SORCS1: variants seen among roughly 807,000 people sequenced by gnomAD.
SORCS1 encodes the protein VPS10 domain-containing receptor SorCS1.
In SORCS1, 60 loss-of-function variants were observed where a neutral mutation model predicts 146.1. The ratio of observed to expected loss-of-function variants is 0.41; its 90% CI spans 0.33 to 0.51. The LOEUF (loss-of-function observed/expected upper bound fraction) is 0.51, where lower values mean the gene tolerates loss of function less well. Among genes scored for constraint, SORCS1 ranks in the 20% least tolerant of loss-of-function variants. The pLI is 0.21. For synonymous variants in SORCS1, 637 were observed against 584.0 expected, an observed-to-expected ratio of 1.09 and a Z score of -1.31; for missense variants, 1,352 against 1,487.6, an observed-to-expected ratio of 0.91 and a Z score of 1.50.
intron 3 of SORCS1, among the ~76,000 whole-genome samples, chr10:106,783,915 C>G (rs1373950038): frequency 1.3e-5 from 2 of 152,060 alleles, no homozygotes; most frequent in Non-Finnish European, 2.9e-5. Context: ...GAAGTTTATG[C>G]TAAAGCAAAT....
intron 1 of SORCS1, among the ~76,000 whole-genome samples, chr10:107,147,879 C>T (rs942943001): frequency 2.6e-5 from 4 of 151,838 alleles, no homozygotes; most frequent in African/African-American, 4.8e-5. Flanking sequence ...AGAGAGTGAC[C>T]CGGCACATAA....
intron 6 of SORCS1, among the ~76,000 whole-genome samples, chr10:106,723,178 A>T (rs1487550347): frequency 6.6e-6 from 1 of 152,184 alleles, no homozygotes; most frequent in African/African-American, 2.4e-5. Flanking sequence ...AAATAAAATA[A>T]AAAAGAATGT....
At chr10:106,985,174 C>T (rs112756927) in intron 1 of SORCS1, among the ~76,000 whole-genome samples, 92 of 151,898 alleles carry the variant, frequency 6.1e-4, no homozygotes, top group African/African-American at 2.1e-3. Context: ...GCAACAAGAG[C>T]GAAACTCCAT....
At chr10:106,966,701 A>G (rs1173249643) in intron 1 of SORCS1, among the ~76,000 whole-genome samples, 1 of 152,176 alleles carries the variant, frequency 6.6e-6, no homozygotes, top group Non-Finnish European at 1.5e-5. Flanking sequence ...TAAATTTGCT[A>G]TACCCTCCTG....
chr10:107,021,897 T>G (rs970448849), intron 1 of SORCS1, among the ~76,000 whole-genome samples: 1 of 152,192 alleles, frequency 6.6e-6, no homozygotes, highest in South Asian at 2.1e-4. Flanking sequence ...ATAAATACTT[T>G]ATATTAAGAT....
At chr10:107,119,705 G>A (rs1439374858) in intron 1 of SORCS1, among the ~76,000 whole-genome samples, 2 of 152,090 alleles carry the variant, frequency 1.3e-5, no homozygotes, top group African/African-American at 2.4e-5. Flanking sequence ...GATTAACCTA[G>A]TTGTCCATGT....
At chr10:106,717,951 T>G (rs1480892364) in intron 6 of SORCS1, among the ~76,000 whole-genome samples, 2 of 152,232 alleles carry the variant, frequency 1.3e-5, no homozygotes, top group African/African-American at 4.8e-5. Context: ...AGCTGTGGAC[T>G]TGTTATTCTT....
chr10:106,834,933 G>A lies in SORCS1; in HGVS notation c.627-5260C>T, dbSNP rs2137062866. ...ATAAGCATTCCATGAAAATAAATCTGCAAGTGATTAAATCAAGGCTTACTT... is the reference window on the plus strand; with the variant it reads ...ATAAGCATTCCATGAAAATAAATCTACAAGTGATTAAATCAAGGCTTACTT... On this transcript the variant is annotated intron_variant, in intron 2 of 25. Coordinates refer to ENST00000263054, the MANE Select transcript of SORCS1 (RefSeq NM_052918.5). 1.3e-5 allele frequency among the ~76,000 whole-genome samples: 2 copies of A among 152,304 alleles called. 1 individual carries two copies. Among genetic ancestry groups the A allele is most frequent in the South Asian group, 4.1e-4 (2 of 4,830 alleles).
chr10:106,896,889 GTTT>G (rs869027396), intron 2 of SORCS1, among the ~76,000 whole-genome samples: 1 of 119,890 alleles, frequency 8.3e-6, no homozygotes. Flanking sequence ...ACCAAATACT[GTTT>G]TTTTTTTTTT....
intron 1 of SORCS1, among the ~76,000 whole-genome samples, chr10:107,155,204 T>C (rs1184400637): frequency 1.3e-5 from 2 of 152,324 alleles, no homozygotes; most frequent in Non-Finnish European, 2.9e-5. Flanking sequence ...ATGGTTTCTA[T>C]TGAGAAGCTG....
chr10:106,818,684 T>C (rs1481870076), intron 3 of SORCS1, among the ~76,000 whole-genome samples: 2 of 152,344 alleles, frequency 1.3e-5, no homozygotes, highest in African/African-American at 4.8e-5. Flanking sequence ...CATAGTAAGA[T>C]AGCAGTGGAA....
chr10:107,157,232 C>A (rs1969356662), intron 1 of SORCS1, among the ~76,000 whole-genome samples: 1 of 151,978 alleles, frequency 6.6e-6, no homozygotes. Flanking sequence ...CAGCTGTGTT[C>A]TAACTCTTGC....
chr10:106,874,948 T>C (rs1270437980), intron 2 of SORCS1, among the ~76,000 whole-genome samples: 1 of 152,184 alleles, frequency 6.6e-6, no homozygotes, highest in Non-Finnish European at 1.5e-5. Context: ...TTTGCTTTGT[T>C]TTTATTTTTT....
chr10:107,024,427 A>C lies in SORCS1; in HGVS notation c.559-67847T>G, dbSNP rs185946940. Among the ~76,000 whole-genome samples, 327 of 152,290 alleles carry C rather than the reference A, an allele frequency of 2.1e-3. 3 individuals are homozygous for C. The highest frequency in any genetic ancestry group is 1.9e-3 in the Non-Finnish European group (129 of 68,032). Reference sequence around the variant, plus strand: ...AATGAGTGAGGACTCATTATTACCAAGATGGCATCAAGACATTCACAAGGA... The same window carrying C: ...AATGAGTGAGGACTCATTATTACCACGATGGCATCAAGACATTCACAAGGA... On this transcript the variant is annotated intron_variant, in intron 1 of 25. Transcript: ENST00000263054.
At chr10:106,718,440 A>G (rs1564893264) in intron 6 of SORCS1, among the ~76,000 whole-genome samples, 1 of 152,202 alleles carries the variant, frequency 6.6e-6, no homozygotes, top group Non-Finnish European at 1.5e-5. Flanking sequence ...TTATTCCTTC[A>G]GATGTTCAGA....
rs772929333 is a variant in SORCS1, at chr10:107,064,858, C to T, written c.558+99111G>A. Among the ~76,000 whole-genome samples, 16 of 152,250 alleles carry T rather than the reference C, an allele frequency of 1.1e-4. 1 individual carries two copies. Among genetic ancestry groups the T allele is most frequent in the Admixed American group, 3.9e-4 (6 of 15,310 alleles). Reference sequence around the variant, plus strand: ...TCTCCATCCATCTTCAAGACAACCACGAAGGGTAGTCACTGTGATTTTTAT... The same window carrying T: ...TCTCCATCCATCTTCAAGACAACCATGAAGGGTAGTCACTGTGATTTTTAT... On this transcript the variant is annotated intron_variant, in intron 1 of 25. Transcript: ENST00000263054.
At chr10:106,648,923 G>A (rs1362016979) in intron 18 of SORCS1, among the ~76,000 whole-genome samples, 7 of 152,028 alleles carry the variant, frequency 4.6e-5, no homozygotes, top group Non-Finnish European at 8.8e-5. Flanking sequence ...TGGACATGGA[G>A]AGGAATGCAC....
chr10:106,663,493 C>T (rs999471096), intron 17 of SORCS1, among the ~76,000 whole-genome samples: 1 of 152,016 alleles, frequency 6.6e-6, no homozygotes, highest in Non-Finnish European at 1.5e-5. Context: ...TATTTTGTAA[C>T]TAAATATTTT....
At chr10:106,973,063 A>C (rs1308012231) in intron 1 of SORCS1, among the ~76,000 whole-genome samples, 2 of 152,182 alleles carry the variant, frequency 1.3e-5, no homozygotes, top group Admixed American at 6.5e-5. Flanking sequence ...GGCAGAGAGC[A>C]CAAACCCTTG....
Sources: gnomAD v4.1 joint callset for allele counts (sites outside exome capture counted in the v4.1 genomes callset) on GRCh38, gnomAD v4.1.1 for gene constraint, MANE v1.5 for transcripts, NCBI Gene and HGNC (gene_info 2026-07-23, HGNC 2026-07-21) for gene names.